AK5: variants seen among roughly 807,000 people sequenced by gnomAD.
The protein encoded by AK5 is adenylate kinase 5, also known as adenylate kinase isoenzyme 5.
AK5 carries 27 observed loss-of-function variants against 69.5 expected under a neutral mutation model. The ratio of observed to expected loss-of-function variants is 0.39; its 90% CI spans 0.29 to 0.54. The LOEUF is 0.54. Ranked by LOEUF, AK5 falls within the 20% of genes least tolerant of loss-of-function variation. The probability of loss-of-function intolerance (pLI) is 0.71; values close to 1 mark genes in which losing one functional copy is unlikely to be tolerated. For synonymous variants in AK5, 260 were observed against 244.4 expected (o/e 1.06, Z -0.60); for missense variants, 531 against 700.4 (o/e 0.76, Z 2.73).
At position 77,558,876 on chromosome 1, in the gene AK5, C is replaced by CTAT; in HGVS notation, c.*208_*210dup. On this transcript the variant is annotated 3_prime_UTR_variant, in exon 14 of 14. Coordinates refer to ENST00000354567, the MANE Select transcript of AK5 (RefSeq NM_174858.3). ...ATGGTGTATTTGGGACTATATCAAC[C>CTAT]TATTCTCCACACTTCAGACAACTGT... 2 of 539,482 alleles carry CTAT rather than the reference C, an allele frequency of 3.7e-6. No individual in the cohort carries two copies. Among genetic ancestry groups the CTAT allele is most frequent in the Non-Finnish European group, 6.8e-6 (2 of 294,454 alleles). 33.4% of individuals were successfully genotyped at this position (539,482 alleles called of 1,614,324 possible). A position where few individuals can be genotyped will look rare whatever the true frequency, so the allele number is the denominator to read the frequency against.
At chr1:77,371,203 C>T (rs1187412735) in intron 6 of AK5, among the ~76,000 whole-genome samples, 1 of 152,172 alleles carries the variant, frequency 6.6e-6, no homozygotes, top group Admixed American at 6.5e-5. Flanking sequence ...TTCCTAACCA[C>T]AGTTCTCACA....
intron 6 of AK5, among the ~76,000 whole-genome samples, chr1:77,361,359 G>A (rs181522228): frequency 3.9e-5 from 6 of 152,242 alleles, no homozygotes; most frequent in African/African-American, 1.2e-4. Flanking sequence ...CTACCTATAG[G>A]ACCTGACAAC....
At chr1:77,482,992 T>TAAAAAAAAAAAAAAA (rs56718956) in intron 8 of AK5, among the ~76,000 whole-genome samples, 1 of 43,864 alleles carries the variant, frequency 2.3e-5, no homozygotes, top group African/African-American at 9.3e-5. Flanking sequence ...TTTTGCACTT[T>TAAAAAAAAAAAAAAA]AAAAAAAAAA....
chr1:77,345,686 T>G (rs1453085920), intron 6 of AK5, among the ~76,000 whole-genome samples: 1 of 152,224 alleles, frequency 6.6e-6, no homozygotes, highest in Non-Finnish European at 1.5e-5. Context: ...CATTGTTTAT[T>G]ACCAGACATT....
At chr1:77,438,890 A>G (rs1455090012) in intron 8 of AK5, among the ~76,000 whole-genome samples, 1 of 152,158 alleles carries the variant, frequency 6.6e-6, no homozygotes, top group African/African-American at 2.4e-5. Flanking sequence ...TTCCAGGGGG[A>G]ATGCAAGGTC....
At chr1:77,388,168 CTTA>C (rs1172842090) in intron 6 of AK5, among the ~76,000 whole-genome samples, 1 of 152,192 alleles carries the variant, frequency 6.6e-6, no homozygotes, top group African/African-American at 2.4e-5. Flanking sequence ...TTGAATTCCT[CTTA>C]TTCTACTCTG....
intron 13 of AK5, among the ~76,000 whole-genome samples, chr1:77,546,807 G>T (rs934820838): frequency 6.6e-6 from 1 of 152,198 alleles, no homozygotes; most frequent in East Asian, 1.9e-4. Flanking sequence ...AATGCTCCAG[G>T]CCTTTGGGGC....
intron 12 of AK5, among the ~76,000 whole-genome samples, chr1:77,529,858 T>C (rs1366271078): frequency 2.6e-5 from 4 of 152,214 alleles, no homozygotes; most frequent in Non-Finnish European, 5.9e-5. Context: ...GTCATATTAA[T>C]AGAAGTAGAA....
intron 5 of AK5, among the ~76,000 whole-genome samples, chr1:77,310,792 T>C (rs752263642): frequency 8.5e-5 from 13 of 152,152 alleles, no homozygotes; most frequent in Non-Finnish European, 1.6e-4. Flanking sequence ...ATAGATTATA[T>C]TATGTATATA....
Position 77,556,995 on chromosome 1 carries a change from T to C in AK5, c.1621-1607T>C, listed in dbSNP as rs1660138108. Among the ~76,000 whole-genome samples, 4 of 151,952 alleles carry C rather than the reference T, an allele frequency of 2.6e-5. 1 individual carries two copies. The South Asian group carries it at 8.3e-4, about 32-fold the overall frequency. On this transcript the variant is annotated intron_variant, in intron 13 of 13. Coordinates refer to ENST00000354567, the MANE Select transcript of AK5 (RefSeq NM_174858.3). Reference sequence around the variant, plus strand: ...CCCTCTACCTTTTTTTTTTCCTTTTTTCGTTTGTTAGCATTTAGTTAAGCT... The same window carrying C: ...CCCTCTACCTTTTTTTTTTCCTTTTCTCGTTTGTTAGCATTTAGTTAAGCT...
intron 5 of AK5, chr1:77,313,914 C>T (rs774352970): frequency 1.9e-5 from 10 of 524,056 alleles, no homozygotes; most frequent in South Asian, 2.9e-5. Flanking sequence ...TGTAAGAAAG[C>T]AGAAGTCTTT....
chr1:77,391,390 A>AT (rs1553144046), intron 6 of AK5, among the ~76,000 whole-genome samples: 1,498 of 141,634 alleles, frequency 0.011, 22 homozygotes, highest in Admixed American at 0.028. Flanking sequence ...CAAAAAAAAA[A>AT]ATATATATAT....
At position 77,475,418 on chromosome 1, in the gene AK5, C is replaced by G. The variant is rs1330407207; in HGVS notation, c.1060-7899C>G. Reference sequence around the variant, plus strand: ...TATATAATATATATGTATATATATACTATATATTATATATATGTATATATA... The same window carrying G: ...TATATAATATATATGTATATATATAGTATATATTATATATATGTATATATA... On this transcript the variant is annotated intron_variant, in intron 8 of 13. Transcript: ENST00000354567. Among the ~76,000 whole-genome samples the G allele has an allele frequency of 8.1e-4, 66 of 81,972 alleles. 1 individual carries two copies. Among genetic ancestry groups the G allele is most frequent in the Non-Finnish European group, 1.3e-3 (59 of 44,210 alleles). 53.8% of individuals were successfully genotyped at this position (81,972 alleles called of 152,430 possible).
At chr1:77,534,655 A>T (rs1193341850) in intron 12 of AK5, among the ~76,000 whole-genome samples, 2 of 152,230 alleles carry the variant, frequency 1.3e-5, no homozygotes, top group Non-Finnish European at 2.9e-5. Flanking sequence ...TGAGGAAGTC[A>T]GTTTAAATGA....
chr1:77,442,577 G>A (rs1652395720), intron 8 of AK5, among the ~76,000 whole-genome samples: 1 of 152,162 alleles, frequency 6.6e-6, no homozygotes, highest in Non-Finnish European at 1.5e-5. Flanking sequence ...GTTTCCTTCT[G>A]TTCTCTGTGT....
intron 8 of AK5, among the ~76,000 whole-genome samples, chr1:77,474,918 C>G (rs1654751523): frequency 6.6e-6 from 1 of 152,090 alleles, no homozygotes; most frequent in African/African-American, 2.4e-5. Context: ...GATCCTCCCA[C>G]CTCAGTCTCC....
At chr1:77,468,515 A>G (rs553494007) in intron 8 of AK5, among the ~76,000 whole-genome samples, 85 of 152,376 alleles carry the variant, frequency 5.6e-4, no homozygotes, top group African/African-American at 2.0e-3. Context: ...CTCAGTGGCA[A>G]GGGTCCAGCC....
intron 12 of AK5, among the ~76,000 whole-genome samples, chr1:77,529,626 C>G (rs1048249976): frequency 2.6e-5 from 4 of 152,128 alleles, no homozygotes; most frequent in African/African-American, 7.2e-5. Context: ...TAGATTCTTA[C>G]CATCTTGAGA....
At chr1:77,285,937 T>C (rs1342550909) in intron 1 of AK5, among the ~76,000 whole-genome samples, 1 of 152,076 alleles carries the variant, frequency 6.6e-6, no homozygotes, top group Non-Finnish European at 1.5e-5. Flanking sequence ...AAAAATGAAT[T>C]AGACTCACTC....
Sources: gnomAD v4.1 joint callset for allele counts (sites outside exome capture counted in the v4.1 genomes callset) on GRCh38, gnomAD v4.1.1 for gene constraint, MANE v1.5 for transcripts, NCBI Gene and HGNC (gene_info 2026-07-23, HGNC 2026-07-21) for gene names.